The following IPCEF1 variants were observed in gnomAD, a reference collection of about 807,000 sequenced individuals.
IPCEF1 encodes interaction protein for cytohesin exchange factors 1, also known as interactor protein for cytohesin exchange factors 1.
A neutral mutation model predicts 50.9 loss-of-function variants in IPCEF1; 31 were observed. That is an observed-to-expected ratio of 0.61 (90% CI 0.46 to 0.82). The LOEUF (loss-of-function observed/expected upper bound fraction) is 0.82, where lower values mean the gene tolerates loss of function less well. Ranked by LOEUF, IPCEF1 falls within the 40% of genes least tolerant of loss-of-function variation. The pLI, the probability that IPCEF1 is intolerant of heterozygous loss-of-function variation, is 0.00. For synonymous variants in IPCEF1, 181 were observed against 192.0 expected, an observed-to-expected ratio of 0.94 and a Z score of 0.47; for missense variants, 458 against 514.0, an observed-to-expected ratio of 0.89 and a Z score of 1.05.
At chr6:154,320,031 C>T (rs185110047) in intron 1 of IPCEF1, among the ~76,000 whole-genome samples, 3 of 152,258 alleles carry the variant, frequency 2.0e-5, no homozygotes, top group Admixed American at 1.3e-4. Flanking sequence ...TATTCCCTTC[C>T]GAGCACTAAT....
intron 1 of IPCEF1, among the ~76,000 whole-genome samples, chr6:154,322,208 C>T (rs1783400421): frequency 1.3e-5 from 2 of 152,128 alleles, no homozygotes; most frequent in African/African-American, 4.8e-5. Flanking sequence ...TAGAAGGGAA[C>T]TTCATCTGAT....
chr6:154,198,309 G>A (rs539073897), intron 10 of IPCEF1, among the ~76,000 whole-genome samples: 1 of 152,246 alleles, frequency 6.6e-6, no homozygotes, highest in South Asian at 2.1e-4. Context: ...AAACCTGAGG[G>A]CGGGTTGAGA....
At chr6:154,195,147 CTTT>C (rs10719288) in intron 10 of IPCEF1, among the ~76,000 whole-genome samples, 6 of 122,874 alleles carry the variant, frequency 4.9e-5, no homozygotes, top group Admixed American at 8.2e-5. Flanking sequence ...TCTTTTCTTT[CTTT>C]TTTTTTTTTT....
rs141039399 is a variant in IPCEF1 at position 154,334,554 on chromosome 6, G to A, written c.-62+22118C>T. 2.2e-3 allele frequency among the ~76,000 whole-genome samples: 337 copies of A among 152,338 alleles called. 12 individuals are homozygous for A. In the East Asian group the frequency reaches 0.052, roughly 23 times the overall value. On this transcript the variant is annotated intron_variant, in intron 1 of 11. Coordinates refer to ENST00000367220, the MANE Select transcript of IPCEF1 (RefSeq NM_001130700.2). ...TGGGATGACCCAGGCTGGGAGGCAC[G>A]AAGGAGCAGAAGATCAATAGACTTG...
intron 9 of IPCEF1, among the ~76,000 whole-genome samples, chr6:154,201,401 T>A (rs1195837935): frequency 6.6e-6 from 1 of 152,214 alleles, no homozygotes; most frequent in Non-Finnish European, 1.5e-5. Flanking sequence ...TAATGTCCTA[T>A]GTAGCAAAAT....
In IPCEF1 at chr6:154,205,074, C is replaced by T. The variant is rs114270073; in HGVS notation, c.538-5034G>A. Among the ~76,000 whole-genome samples, 993 of 152,324 alleles carry T rather than the reference C, an allele frequency of 6.5e-3. 6 individuals carry two copies. Among genetic ancestry groups the T allele is most frequent in the African/African-American group, 0.023 (951 of 41,570 alleles). On this transcript the variant is annotated intron_variant, in intron 9 of 11. Transcript: ENST00000367220. ...ATATCACTTCTTCCACAGGGTCTTCCATGACAGAGCAGACAGAGCAGTATC... is the reference window on the plus strand; with the variant it reads ...ATATCACTTCTTCCACAGGGTCTTCTATGACAGAGCAGACAGAGCAGTATC...
rs538919549 is a variant in IPCEF1, at chr6:154,255,934, C to T, written c.37-8446G>A. Among the ~76,000 whole-genome samples, 96 of 152,244 alleles carry T rather than the reference C, an allele frequency of 6.3e-4. 2 individuals are homozygous for T. Among genetic ancestry groups the T allele is most frequent in the South Asian group, 1.0e-3 (5 of 4,820 alleles). On this transcript the variant is annotated intron_variant, in intron 3 of 11. Coordinates refer to ENST00000367220, the MANE Select transcript of IPCEF1 (RefSeq NM_001130700.2). ...AATTTTTAAAAGTTTCTTTGAACCT[C>T]GTACTTAAACATTTTGTCGAGCTTT...
chr6:154,311,078 T>C (rs1446230131), intron 1 of IPCEF1, among the ~76,000 whole-genome samples: 3 of 152,218 alleles, frequency 2.0e-5, no homozygotes, highest in African/African-American at 7.2e-5. Flanking sequence ...TGAATCTTTC[T>C]ACAATGTATA....
At position 154,298,874 on chromosome 6, in the gene IPCEF1, A is replaced by G. The variant is rs1369872908; in HGVS notation, c.-61-9118T>C. ...GTACTTGGGAAGCTGAGGCAGGAGA[A>G]TTGCTTGAACCCAGGAGGCGGAGGT... On this transcript the variant is annotated intron_variant, in intron 1 of 11. Coordinates refer to ENST00000367220, the MANE Select transcript of IPCEF1 (RefSeq NM_001130700.2). 3.5e-5 allele frequency among the ~76,000 whole-genome samples: 5 copies of G among 143,726 alleles called. 2 individuals are homozygous for G. Among genetic ancestry groups the G allele is most frequent in the Non-Finnish European group, 6.3e-5 (4 of 63,682 alleles). The allele number at this position is 143,726 out of a possible 152,430, so 94.3% of individuals were successfully genotyped here.
intron 11 of IPCEF1, among the ~76,000 whole-genome samples, chr6:154,161,778 T>C (rs181556098): frequency 1.1e-4 from 16 of 152,338 alleles, no homozygotes; most frequent in African/African-American, 3.4e-4. Context: ...AAGTGCCATG[T>C]AGACATTCAA....
chr6:154,205,908 C>G (rs750495347), intron 9 of IPCEF1, among the ~76,000 whole-genome samples: 1 of 152,000 alleles, frequency 6.6e-6, no homozygotes, highest in Admixed American at 6.6e-5. Flanking sequence ...GCAGACCCTT[C>G]GGAAACTCAC....
chr6:154,305,541 C>T (rs1782909673), intron 1 of IPCEF1, among the ~76,000 whole-genome samples: 1 of 152,196 alleles, frequency 6.6e-6, no homozygotes, highest in Non-Finnish European at 1.5e-5. Flanking sequence ...AGTTCTCCAT[C>T]CTGGGCTTTC....
chr6:154,313,074 A>AAAAAAAC (rs1783122875), intron 1 of IPCEF1, among the ~76,000 whole-genome samples: 1 of 149,014 alleles, frequency 6.7e-6, no homozygotes, highest in Non-Finnish European at 1.5e-5. Flanking sequence ...TCTCAAAAAA[A>AAAAAAAC]AAAAAAAAAA....
rs540161604 is a variant in IPCEF1, at chr6:154,242,883, G to A, written c.246+3708C>T. Among the ~76,000 whole-genome samples, 406 of 49,008 alleles carry A rather than the reference G, an allele frequency of 8.3e-3. 2 individuals carry two copies. Among genetic ancestry groups the A allele is most frequent in the African/African-American group, 0.031 (379 of 12,318 alleles). The allele number at this position is 49,008 out of a possible 152,430, so 32.2% of individuals were successfully genotyped here. ...AGCCTGGGCCATAGAGCAAGACTCC[G>A]TCTCAAAGAAAAGAAAAGAAAAGTA... On this transcript the variant is annotated intron_variant, in intron 5 of 11. Coordinates refer to ENST00000367220, the MANE Select transcript of IPCEF1 (RefSeq NM_001130700.2).
intron 2 of IPCEF1, among the ~76,000 whole-genome samples, chr6:154,270,458 G>A (rs1234357800): frequency 1.3e-5 from 2 of 152,124 alleles, no homozygotes; most frequent in Non-Finnish European, 2.9e-5. Context: ...TCATTCATGT[G>A]TATGTTGCAT....
chr6:154,351,100 A>T (rs980843615), intron 1 of IPCEF1, among the ~76,000 whole-genome samples: 4 of 152,186 alleles, frequency 2.6e-5, no homozygotes, highest in African/African-American at 9.7e-5. Context: ...GTAGCGCAAA[A>T]CTATCATATA....
intron 1 of IPCEF1, among the ~76,000 whole-genome samples, 163 bp from the exon 2 acceptor site, chr6:154,289,919 G>A (rs1478302143): frequency 6.6e-6 from 1 of 152,118 alleles, no homozygotes; most frequent in African/African-American, 2.4e-5. Context: ...TAATGTTAGG[G>A]TAGACAGCTA....
At chr6:154,171,374 C>T (rs1403769927) in intron 10 of IPCEF1, among the ~76,000 whole-genome samples, 1 of 151,976 alleles carries the variant, frequency 6.6e-6, no homozygotes, top group Non-Finnish European at 1.5e-5. Flanking sequence ...CACAAACAAC[C>T]ACATATTGCG....
intron 1 of IPCEF1, among the ~76,000 whole-genome samples, chr6:154,333,803 A>ATG (rs1048207645): frequency 6.6e-6 from 1 of 151,848 alleles, no homozygotes; most frequent in Admixed American, 6.6e-5. Flanking sequence ...ATGTATATAT[A>ATG]TGTGTGTGTG....
Sources: allele counts gnomAD v4.1 joint callset (sites outside exome capture counted in the v4.1 genomes callset), GRCh38; gene constraint gnomAD v4.1.1; transcripts MANE v1.5; gene names NCBI Gene and HGNC (gene_info 2026-07-23, HGNC 2026-07-21).